The following IGF2BP3 variants were observed in gnomAD, a reference collection of about 807,000 sequenced individuals.
The protein encoded by IGF2BP3 is insulin like growth factor 2 mRNA binding protein 3.
IGF2BP3 carries 9 observed loss-of-function variants against 73.8 expected under a neutral mutation model. The observed-to-expected ratio is 0.12, with a 90% CI of 0.07 to 0.21. The LOEUF is 0.21. IGF2BP3 is among the 10% of genes least tolerant of loss of function. The probability of loss-of-function intolerance (pLI) is 1.00; values close to 1 mark genes in which losing one functional copy is unlikely to be tolerated. For missense variants in IGF2BP3, 542 were observed against 714.0 expected (o/e 0.76, Z 2.75); for synonymous variants, 258 against 256.7 (o/e 1.01, Z -0.05).
At chr7:23,460,164 G>C (rs557778890) in intron 2 of IGF2BP3, among the ~76,000 whole-genome samples, 2 of 114,302 alleles carry the variant, frequency 1.7e-5, no homozygotes, top group South Asian at 6.1e-4. Flanking sequence ...GGGCAACCGT[G>C]CGAGACCCTG....
intron 3 of IGF2BP3, among the ~76,000 whole-genome samples, chr7:23,385,861 C>T (rs1040716946): frequency 1.3e-5 from 2 of 152,050 alleles, no homozygotes; most frequent in African/African-American, 4.8e-5. Flanking sequence ...CATGAGCCAC[C>T]ACATCCAGCC....
intron 3 of IGF2BP3, chr7:23,414,882 G>A (rs972636041): frequency 1.2e-5 from 2 of 168,894 alleles, no homozygotes; most frequent in South Asian, 1.2e-4. Flanking sequence ...CCCCACATCC[G>A]CAGGTCCCTG....
At chr7:23,450,986 A>G (rs1202867595) in intron 2 of IGF2BP3, among the ~76,000 whole-genome samples, 1 of 152,226 alleles carries the variant, frequency 6.6e-6, no homozygotes, top group African/African-American at 2.4e-5. Flanking sequence ...ACACATATCC[A>G]TATGTGGCTG....
intron 2 of IGF2BP3, among the ~76,000 whole-genome samples, chr7:23,466,585 C>T (rs1255356837): frequency 6.6e-6 from 1 of 152,230 alleles, no homozygotes; most frequent in African/African-American, 2.4e-5. Context: ...CTGGTGACAT[C>T]TTACCTTATG....
chr7:23,397,625 G>T (rs1338891468), intron 3 of IGF2BP3, among the ~76,000 whole-genome samples: 1 of 152,136 alleles, frequency 6.6e-6, no homozygotes, highest in Non-Finnish European at 1.5e-5. Context: ...TCCCCTACAT[G>T]AAATGACAAA....
At position 23,355,419 on chromosome 7, in the gene IGF2BP3, C is replaced by T. The variant is rs184830270; in HGVS notation, c.402-3833G>A. On this transcript the variant is annotated intron_variant, in intron 5 of 14. Transcript: ENST00000258729. ...TATTTTTTTTTCTTTTAACTAGAGA[C>T]GGGGTTTCACCATGTTGGTCAGGCT... Among the ~76,000 whole-genome samples, 6 of 151,726 alleles carry T rather than the reference C, an allele frequency of 4.0e-5. No homozygotes were observed. In the East Asian group the frequency reaches 5.8e-4, roughly 15 times the overall value.
chr7:23,327,434 T>C (rs1036050432), intron 10 of IGF2BP3, among the ~76,000 whole-genome samples: 12 of 151,832 alleles, frequency 7.9e-5, no homozygotes, highest in African/African-American at 1.9e-4. Context: ...GCGCCCACCA[T>C]CACGCCCGGC....
chr7:23,421,184 A>AT (rs34811675), intron 2 of IGF2BP3, among the ~76,000 whole-genome samples: 1 of 151,986 alleles, frequency 6.6e-6, no homozygotes, highest in East Asian at 2.0e-4. Context: ...TAATTATTGT[A>AT]TTTTTAGTAG....
intron 2 of IGF2BP3, among the ~76,000 whole-genome samples, chr7:23,459,612 C>G (rs1445470263): frequency 2.6e-5 from 4 of 151,610 alleles, no homozygotes; most frequent in Admixed American, 1.3e-4. Context: ...GTGGGCAAAT[C>G]ACAAGGTCAG....
intron 3 of IGF2BP3, among the ~76,000 whole-genome samples, chr7:23,372,905 A>G (rs928955032): frequency 9.9e-5 from 15 of 152,218 alleles, no homozygotes; most frequent in Admixed American, 7.9e-4. Context: ...GCAGCACAGA[A>G]AAGTTCACAG....
In IGF2BP3 at chr7:23,322,255, C is replaced by G. The variant is rs576812578; in HGVS notation, c.1204-3001G>C. On this transcript the variant is annotated intron_variant, in intron 10 of 14. Coordinates refer to ENST00000258729, the MANE Select transcript of IGF2BP3 (RefSeq NM_006547.3). ...GCTGATGGAGCTGAAAACCAAGGCTCGAGAACTACGTGAAGAATGCAGAAG... is the reference window on the plus strand; with the variant it reads ...GCTGATGGAGCTGAAAACCAAGGCTGGAGAACTACGTGAAGAATGCAGAAG... Among the ~76,000 whole-genome samples the G allele has an allele frequency of 1.8e-3, 268 of 152,180 alleles. 3 individuals are homozygous for G. Among genetic ancestry groups the G allele is most frequent in the African/African-American group, 6.1e-3 (255 of 41,512 alleles).
intron 3 of IGF2BP3, among the ~76,000 whole-genome samples, chr7:23,390,799 C>T (rs79980740): frequency 0.11 from 16,501 of 144,370 alleles, 1,123 homozygotes; most frequent in Middle Eastern, 0.23. Flanking sequence ...TTTATTGTTG[C>T]CTTTTTTTTT....
In IGF2BP3 at chr7:23,448,312, A is replaced by G. The variant is rs143599909; in HGVS notation, c.236+20170T>C. Among the ~76,000 whole-genome samples the G allele has an allele frequency of 5.9e-5, 9 of 152,364 alleles. No individual in the cohort carries two copies. The East Asian group carries it at 1.7e-3, about 29-fold the overall frequency. ...GGTTCATTTCAGTTTGAAGAACTTAAGTGTATCGATAGATGCCCAGATGTC... is the reference window on the plus strand; with the variant it reads ...GGTTCATTTCAGTTTGAAGAACTTAGGTGTATCGATAGATGCCCAGATGTC... On this transcript the variant is annotated intron_variant, in intron 2 of 14. Transcript: ENST00000258729.
chr7:23,411,704 A>AC (rs1231648442), intron 3 of IGF2BP3, among the ~76,000 whole-genome samples: 12 of 152,328 alleles, frequency 7.9e-5, no homozygotes, highest in Admixed American at 7.8e-4. Flanking sequence ...AAGATGAATG[A>AC]CAGTTCCTGC....
chr7:23,403,398 C>T (rs960465976), intron 3 of IGF2BP3, among the ~76,000 whole-genome samples: 2 of 152,012 alleles, frequency 1.3e-5, no homozygotes, highest in Non-Finnish European at 2.9e-5. Context: ...TTTATGTCTC[C>T]TTTCTGGTAT....
At chr7:23,442,425 A>T (rs13239483) in intron 2 of IGF2BP3, among the ~76,000 whole-genome samples, 55,574 of 151,770 alleles carry the variant, frequency 0.37, 10,501 homozygotes, top group Middle Eastern at 0.43. Context: ...TTAGATGGAG[A>T]CTTGCTCTGT....
At chr7:23,372,811 T>C (rs1785598741) in intron 3 of IGF2BP3, among the ~76,000 whole-genome samples, 1 of 152,200 alleles carries the variant, frequency 6.6e-6, no homozygotes, top group African/African-American at 2.4e-5. Flanking sequence ...GGCAGCAGCA[T>C]TGTCCCAAAT....
chr7:23,386,297 T>C (rs1024528306), intron 3 of IGF2BP3, among the ~76,000 whole-genome samples: 1 of 152,044 alleles, frequency 6.6e-6, no homozygotes, highest in African/African-American at 2.4e-5. Context: ...CATTCTCCAA[T>C]AAAAGGAACC....
At chr7:23,390,269 C>G (rs1367064361) in intron 3 of IGF2BP3, among the ~76,000 whole-genome samples, 1 of 151,670 alleles carries the variant, frequency 6.6e-6, no homozygotes, top group East Asian at 1.9e-4. Flanking sequence ...GGTAATATGC[C>G]AAGATATTTT....
Sources: allele counts gnomAD v4.1 joint callset (sites outside exome capture counted in the v4.1 genomes callset), GRCh38; gene constraint gnomAD v4.1.1; transcripts MANE v1.5; gene names NCBI Gene and HGNC (gene_info 2026-07-23, HGNC 2026-07-21).